The following TAX1BP1 variants were observed in gnomAD, a reference collection of about 807,000 sequenced individuals.
The protein encoded by TAX1BP1 is Tax1 binding protein 1, also known as tax1-binding protein 1.
Under a neutral mutation model 97.7 loss-of-function variants are expected in TAX1BP1, and 62 were observed. That is an observed-to-expected ratio of 0.63 (90% CI 0.52 to 0.78). TAX1BP1 has a LOEUF of 0.78. Among genes scored for constraint, TAX1BP1 ranks in the 30% least tolerant of loss-of-function variants. The pLI, the probability that TAX1BP1 is intolerant of heterozygous loss-of-function variation, is 0.00. For missense variants in TAX1BP1, 867 were observed against 916.1 expected, an observed-to-expected ratio of 0.95 and a Z score of 0.69; for synonymous variants, 340 against 304.2, an observed-to-expected ratio of 1.12 and a Z score of -1.23.
chr7:27,780,723 A>T (rs1014449461), intron 5 of TAX1BP1, among the ~76,000 whole-genome samples: 4 of 152,148 alleles, frequency 2.6e-5, no homozygotes, highest in Admixed American at 6.5e-5. Flanking sequence ...GATGATTATA[A>T]CTTATGTATA....
chr7:27,785,282 A>C lies in TAX1BP1; in HGVS notation c.732A>C (p.Lys244Asn), dbSNP rs746834585. ...AAGATATTGTGTCAGTAACACATAA[A>C]GCAATTGAAAAAGAAACCGAATTAG... The part of the protein sequence containing the change: ...LEEDIVSVTH[K>N]AIEKETELDS... Residue 244 changes from lysine to asparagine, a missense_variant, in exon 6 of 17, where the codon AAA (lysine) becomes AAC (asparagine). Transcript: ENST00000396319. 6 of 1,611,260 alleles carry C rather than the reference A, an allele frequency of 3.7e-6. No individual in the cohort carries two copies. In the African/African-American group the frequency reaches 8.0e-5, roughly 22 times the overall value.
Position 27,792,108 on chromosome 7 carries a change from G to A in TAX1BP1, c.1141G>A (p.Val381Ile). ...VFLAKELSDA[V>I]NVRDRTMADL... ...TCTGGCTAAAGAACTCAGTGATGCT[G>A]TCAACGTACGAGACAGAACGATGGC... Residue 381 changes from valine to isoleucine, a missense_variant, in exon 9 of 17, where the codon GTC becomes ATC. Transcript: ENST00000396319. The A allele has an allele frequency of 6.2e-7, 1 of 1,614,084 alleles. No homozygotes were observed. The highest frequency in any genetic ancestry group is 1.1e-5 in the South Asian group (1 of 91,082).
rs558085625 is a variant in TAX1BP1 at position 27,827,077 on chromosome 7, C to T, written c.2086-661C>T. Among the ~76,000 whole-genome samples the T allele has an allele frequency of 5.9e-5, 9 of 152,290 alleles. No individual in the cohort carries two copies. In the South Asian group the frequency reaches 1.9e-3, roughly 32 times the overall value. ...TGACAGTATTGAAAGTAGGGCCAGGCACAGCGGCTCACGCCTGAAATCCCG... is the reference window on the plus strand; with the variant it reads ...TGACAGTATTGAAAGTAGGGCCAGGTACAGCGGCTCACGCCTGAAATCCCG... On this transcript the variant is annotated intron_variant, in intron 15 of 16. Transcript: ENST00000396319.
chr7:27,812,243 A>G (rs1046663716), intron 13 of TAX1BP1, among the ~76,000 whole-genome samples: 5 of 152,170 alleles, frequency 3.3e-5, no homozygotes, highest in Admixed American at 6.5e-5. Context: ...AATTTCCCTG[A>G]TAACTAGTGA....
At chr7:27,761,796 A>C (rs1788439038) in intron 3 of TAX1BP1, among the ~76,000 whole-genome samples, 1 of 152,210 alleles carries the variant, frequency 6.6e-6, no homozygotes, top group Admixed American at 6.5e-5. Context: ...ACTCTTGTGC[A>C]AGTTTTTGTG....
At chr7:27,807,033 A>G (rs1790364786) in intron 13 of TAX1BP1, among the ~76,000 whole-genome samples, 1 of 151,802 alleles carries the variant, frequency 6.6e-6, no homozygotes, top group African/African-American at 2.4e-5. Flanking sequence ...TTTCTCTTTC[A>G]TTGTATGTTG....
chr7:27,819,600 A>G lies in TAX1BP1; in HGVS notation c.2085+2562A>G, dbSNP rs1290820006. Reference sequence around the variant, plus strand: ...ATATGACAAATGCAGATGCTCCTCAACTTACGATGGGGTTACATCCTGATA... The same window carrying G: ...ATATGACAAATGCAGATGCTCCTCAGCTTACGATGGGGTTACATCCTGATA... On this transcript the variant is annotated intron_variant, in intron 15 of 16. Coordinates refer to ENST00000396319, the MANE Select transcript of TAX1BP1 (RefSeq NM_006024.7). 2.0e-5 allele frequency among the ~76,000 whole-genome samples: 3 copies of G among 152,168 alleles called. No individual in the cohort carries two copies. The East Asian group carries it at 5.8e-4, about 29-fold the overall frequency.
intron 5 of TAX1BP1, among the ~76,000 whole-genome samples, chr7:27,775,642 G>A (rs1344784131): frequency 6.6e-6 from 1 of 152,090 alleles, no homozygotes. Flanking sequence ...ACAAGTTGTG[G>A]CTTCTCTCCT....
At chr7:27,810,337 G>A (rs1320493025) in intron 13 of TAX1BP1, among the ~76,000 whole-genome samples, 1 of 152,018 alleles carries the variant, frequency 6.6e-6, no homozygotes, top group Non-Finnish European at 1.5e-5. Flanking sequence ...AAGAGATGAA[G>A]GATATCTTTT....
At chr7:27,760,853 C>T (rs934290754) in intron 3 of TAX1BP1, among the ~76,000 whole-genome samples, 3 of 152,246 alleles carry the variant, frequency 2.0e-5, no homozygotes, top group South Asian at 2.1e-4. Flanking sequence ...TGGAATCCTG[C>T]GTGCTTTAAG....
Position 27,828,874 on chromosome 7 carries a change from A to AC in TAX1BP1, c.*45_*46insC, listed in dbSNP as rs750971410. On this transcript the variant is annotated 3_prime_UTR_variant, in exon 17 of 17. Coordinates refer to ENST00000396319, the MANE Select transcript of TAX1BP1 (RefSeq NM_006024.7). ...AATATAGTTTAGCAGTAAAAAAAAA[A>AC]AAAAAAACCACACCTAAAATAGACC... The AC allele has an allele frequency of 8.7e-6, 13 of 1,502,558 alleles. No homozygotes were observed. Among genetic ancestry groups the AC allele is most frequent in the East Asian group, 2.3e-5 (1 of 44,242 alleles). 93.1% of individuals were successfully genotyped at this position (1,502,558 alleles called of 1,614,324 possible).
intron 15 of TAX1BP1, among the ~76,000 whole-genome samples, chr7:27,823,923 T>C (rs1791074045): frequency 6.6e-6 from 1 of 152,234 alleles, no homozygotes; most frequent in South Asian, 2.1e-4. Context: ...ATCCATGTTG[T>C]AAACATGTAT....
chr7:27,783,827 A>G (rs780453179), intron 5 of TAX1BP1, among the ~76,000 whole-genome samples: 10 of 152,196 alleles, frequency 6.6e-5, no homozygotes, highest in Non-Finnish European at 1.2e-4. Context: ...AATCAACAAG[A>G]CAAATCCTGA....
chr7:27,777,830 T>A (rs1365157157), intron 5 of TAX1BP1, among the ~76,000 whole-genome samples: 1 of 152,202 alleles, frequency 6.6e-6, no homozygotes, highest in Non-Finnish European at 1.5e-5. Context: ...CTCTGTTGTT[T>A]CTTTTCTTTC....
At chr7:27,773,293 G>A (rs1183694004) in intron 5 of TAX1BP1, among the ~76,000 whole-genome samples, 3 of 152,058 alleles carry the variant, frequency 2.0e-5, no homozygotes, top group Non-Finnish European at 4.4e-5. Flanking sequence ...CAGCTTTATT[G>A]AGATGTCATT....
intron 1 of TAX1BP1, among the ~76,000 whole-genome samples, chr7:27,745,006 G>C (rs957470774): frequency 6.6e-6 from 1 of 152,186 alleles, no homozygotes; most frequent in African/African-American, 2.4e-5. Flanking sequence ...GCATGTATAA[G>C]CATTTCTGAT....
Position 27,829,001 on chromosome 7 carries a change from T to G in TAX1BP1, c.*172T>G. 2.0e-6 allele frequency: 1 copy of G among 505,266 alleles called. No homozygotes were observed. The highest frequency in any genetic ancestry group is 3.4e-6 in the Non-Finnish European group (1 of 292,618). 31.3% of individuals were successfully genotyped at this position (505,266 alleles called of 1,614,324 possible). Reference sequence around the variant, plus strand: ...TGTTACTAGGATCAGGGTCAGTCTTTGGCTTATCAATAAATTTTAATCTCT... The same window carrying G: ...TGTTACTAGGATCAGGGTCAGTCTTGGGCTTATCAATAAATTTTAATCTCT... On this transcript the variant is annotated 3_prime_UTR_variant, in exon 17 of 17. Transcript: ENST00000396319.
At chr7:27,751,235 A>T (rs1283848464) in intron 2 of TAX1BP1, among the ~76,000 whole-genome samples, 1 of 152,154 alleles carries the variant, frequency 6.6e-6, no homozygotes, top group Non-Finnish European at 1.5e-5. Flanking sequence ...CCTTTTTGCC[A>T]GCATAAAACT....
At chr7:27,827,691 A>G (rs1791232935) in intron 15 of TAX1BP1, 47 bp from the exon 16 acceptor site, 9 of 1,494,368 alleles carry the variant, frequency 6.0e-6, no homozygotes, top group East Asian at 2.3e-5. Context: ...AGGAATTTAT[A>G]TTTGGTTTTA....
Sources: gnomAD v4.1 joint callset for allele counts (sites outside exome capture counted in the v4.1 genomes callset) on GRCh38, gnomAD v4.1.1 for gene constraint, MANE v1.5 for transcripts, NCBI Gene and HGNC (gene_info 2026-07-23, HGNC 2026-07-21) for gene names.